BIRC6: variants seen among roughly 807,000 people sequenced by gnomAD.
BIRC6 encodes the protein dual E2 ubiquitin-conjugating enzyme/E3 ubiquitin-protein ligase BIRC6.
Under a neutral mutation model 503.3 loss-of-function variants are expected in BIRC6, and 98 were observed. The ratio of observed to expected loss-of-function variants is 0.19; its 90% CI spans 0.17 to 0.23. The LOEUF is 0.23. Among genes scored for constraint, BIRC6 ranks in the 10% least tolerant of loss-of-function variants. The probability of loss-of-function intolerance (pLI) is 1.00; values close to 1 mark genes in which losing one functional copy is unlikely to be tolerated. For synonymous variants in BIRC6, 2,240 were observed against 2,078.7 expected (o/e 1.08, Z -2.11); for missense variants, 5,360 against 5,806.0 (o/e 0.92, Z 2.50).
rs762168815 is a variant in BIRC6, at chr2:32,618,184, A to G, written c.*280A>G. The G allele has an allele frequency of 6.1e-5, 15 of 246,740 alleles. No individual in the cohort carries two copies. The highest frequency in any genetic ancestry group is 1.2e-4 in the Non-Finnish European group (15 of 129,396). The allele number at this position is 246,740 out of a possible 1,614,324, so 15.3% of individuals were successfully genotyped here. ...GGATAAATCACTGCTATATAAGGGA[A>G]ACTACCTTAGGAAAGAATGTTTACT... On this transcript the variant is annotated 3_prime_UTR_variant, in exon 74 of 74. Coordinates refer to ENST00000421745, the MANE Select transcript of BIRC6 (RefSeq NM_016252.4).
chr2:32,595,294 G>A (rs1336654397), intron 68 of BIRC6, 150 bp downstream of exon 68: 1 of 549,114 alleles, frequency 1.8e-6, no homozygotes, highest in Non-Finnish European at 3.2e-6. Context: ...TATCATCTTT[G>A]CCTCTTGAAT....
At chr2:32,605,036 C>A (rs150886780) in intron 71 of BIRC6, among the ~76,000 whole-genome samples, 4,924 of 152,044 alleles carry the variant, frequency 0.032, 108 homozygotes, top group Non-Finnish European at 0.047. Context: ...ACATGCACCA[C>A]CACACCCGGC....
At chr2:32,572,890 G>T (rs2060013785) in intron 65 of BIRC6, among the ~76,000 whole-genome samples, 1 of 152,138 alleles carries the variant, frequency 6.6e-6, no homozygotes, top group Admixed American at 6.6e-5. Context: ...TTTTACATCA[G>T]TTGTAGAGAT....
intron 66 of BIRC6, among the ~76,000 whole-genome samples, chr2:32,582,799 TAAAG>T (rs989090785): frequency 7.2e-5 from 11 of 152,210 alleles, no homozygotes; most frequent in African/African-American, 2.4e-4. Flanking sequence ...AATGACTGCT[TAAAG>T]AAGGAACTCA....
chr2:32,583,537 A>T (rs534787284), intron 66 of BIRC6, among the ~76,000 whole-genome samples: 4 of 152,346 alleles, frequency 2.6e-5, no homozygotes, highest in Non-Finnish European at 5.9e-5. Flanking sequence ...CCAGTATTTT[A>T]TGTCAAAATA....
At chr2:32,517,197 C>T (rs567039010) in intron 55 of BIRC6, among the ~76,000 whole-genome samples, 3 of 152,008 alleles carry the variant, frequency 2.0e-5, no homozygotes, top group African/African-American at 4.8e-5. Flanking sequence ...CAAAATTAGC[C>T]GGGCATGGTG....
intron 13 of BIRC6, among the ~76,000 whole-genome samples, chr2:32,434,029 AC>A (rs1164745730): frequency 2.6e-5 from 4 of 152,164 alleles, no homozygotes; most frequent in African/African-American, 9.7e-5. Context: ...ATATAATTAT[AC>A]TTTTTTGGAA....
rs1184593139 is a variant in BIRC6 at position 32,357,174 on chromosome 2, G to A, written c.13G>A (p.Gly5Ser). 1.4e-5 allele frequency: 21 copies of A among 1,527,180 alleles called. No homozygotes were observed. The highest frequency in any genetic ancestry group is 1.7e-4 in the Middle Eastern group (1 of 5,788). The allele number at this position is 1,527,180 out of a possible 1,614,324, so 94.6% of individuals were successfully genotyped here. A position where few individuals can be genotyped will look rare whatever the true frequency, so the allele number is the denominator to read the frequency against. Reference sequence around the variant, plus strand: ...CCCCTGGCCCCGGATGGTGACTGGTGGTGGTGCTGCACCTCCCGGGACTGT... The same window carrying A: ...CCCCTGGCCCCGGATGGTGACTGGTAGTGGTGCTGCACCTCCCGGGACTGT... Reference protein sequence around the residue: MVTGGGAAPPGTVTE... With the variant: MVTGSGAAPPGTVTE... The change falls in exon 1 of 74, where the codon GGT (glycine) becomes AGT (serine). Residue 5 changes from glycine (G) to serine (S), a missense_variant. Physicochemically the swap from Gly to Ser is moderately conservative, Grantham distance 56. Coordinates refer to ENST00000421745, the MANE Select transcript of BIRC6 (RefSeq NM_016252.4). The surrounding 1 kb of genome is among the most constrained non-coding windows in gnomAD (Gnocchi z 4.9).
rs766523889 is a variant in BIRC6, at chr2:32,597,981, G to A, written c.13830+13G>A. 4.4e-6 allele frequency: 7 copies of A among 1,593,862 alleles called. No homozygotes were observed. The South Asian group carries it at 6.7e-5, about 15-fold the overall frequency. ...TGATATCATGAAGGTAAAAAATAAT[G>A]ATAATAAAGCACTCTCCCTTATCTC... On this transcript the variant is annotated intron_variant, in intron 69 of 73. Transcript: ENST00000421745.
At chr2:32,534,762 G>A (rs1376162352) in intron 61 of BIRC6, among the ~76,000 whole-genome samples, 1 of 139,382 alleles carries the variant, frequency 7.2e-6, no homozygotes, top group Non-Finnish European at 1.5e-5. Context: ...AAAAAAAATG[G>A]TTCAAATGGA....
At chr2:32,454,327 G>A (rs1033729866) in intron 23 of BIRC6, among the ~76,000 whole-genome samples, 2 of 152,068 alleles carry the variant, frequency 1.3e-5, no homozygotes, top group African/African-American at 2.4e-5. Flanking sequence ...ACTGTTTCTC[G>A]AACTAGTTTA....
At chr2:32,524,654 T>C in intron 57 of BIRC6, 2 of 195,678 alleles carry the variant, frequency 1.0e-5, no homozygotes, top group Non-Finnish European at 2.1e-5. Context: ...TATAATACTT[T>C]ACAGAGATTA....
At chr2:32,535,285 C>T (rs1425017430) in intron 61 of BIRC6, among the ~76,000 whole-genome samples, 1 of 151,568 alleles carries the variant, frequency 6.6e-6, no homozygotes, top group Non-Finnish European at 1.5e-5. Context: ...ACCATATGAG[C>T]CAGGGAATTA....
chr2:32,615,955 G>A (rs897150164), intron 73 of BIRC6, among the ~76,000 whole-genome samples: 2 of 152,064 alleles, frequency 1.3e-5, no homozygotes, highest in Non-Finnish European at 2.9e-5. Context: ...AAAGCCTTTG[G>A]TGTGATTATT....
chr2:32,422,991 C>T (rs888833489), intron 10 of BIRC6, among the ~76,000 whole-genome samples: 3 of 152,240 alleles, frequency 2.0e-5, no homozygotes, highest in Non-Finnish European at 4.4e-5. Context: ...GGCTGGAGTG[C>T]AGTGGTGCCG....
At chr2:32,377,208 T>A (rs556246942) in intron 1 of BIRC6, among the ~76,000 whole-genome samples, 1 of 143,140 alleles carries the variant, frequency 7.0e-6, no homozygotes, top group South Asian at 2.2e-4. Flanking sequence ...ATTCCCTTAA[T>A]ATATATGTGT....
At chr2:32,464,130 G>A (rs541707205) in intron 24 of BIRC6, among the ~76,000 whole-genome samples, 1 of 152,296 alleles carries the variant, frequency 6.6e-6, no homozygotes, top group East Asian at 1.9e-4. Context: ...AAAAGGTTGA[G>A]GACCGCTGGT....
At chr2:32,411,402 TA>T (rs2041858085) in intron 9 of BIRC6, among the ~76,000 whole-genome samples, 4 of 21,496 alleles carry the variant, frequency 1.9e-4, no homozygotes, top group Admixed American at 1.6e-3. Flanking sequence ...AAGGCAATTA[TA>T]TATATATATA....
At chr2:32,447,340 C>A (rs1439415972) in intron 21 of BIRC6, among the ~76,000 whole-genome samples, 1 of 149,550 alleles carries the variant, frequency 6.7e-6, no homozygotes, top group Admixed American at 6.6e-5. Flanking sequence ...CGGGCAGAAG[C>A]GCCCCTCACC....
Sources: gnomAD v4.1 joint callset for allele counts (sites outside exome capture counted in the v4.1 genomes callset) on GRCh38, gnomAD v4.1.1 for gene constraint, Gnocchi (gnomAD v3.1) non-coding constraint, MANE v1.5 for transcripts, NCBI Gene and HGNC (gene_info 2026-07-23, HGNC 2026-07-21) for gene names.